TUBA3E: variants seen among roughly 807,000 people sequenced by gnomAD.
TUBA3E encodes tubulin alpha 3e.
In TUBA3E, 21 loss-of-function variants were observed where a neutral mutation model predicts 36.7. The observed-to-expected ratio is 0.57, with a 90% CI of 0.41 to 0.83. The LOEUF is 0.83. Among genes scored for constraint, TUBA3E ranks in the 40% least tolerant of loss-of-function variants. TUBA3E has a pLI of 0.00. For synonymous variants in TUBA3E, 177 were observed against 241.9 expected, an observed-to-expected ratio of 0.73 and a Z score of 2.49; for missense variants, 469 against 604.2, an observed-to-expected ratio of 0.78 and a Z score of 2.35.
In TUBA3E at chr2:130,194,145, G is replaced by T; in HGVS notation, c.697C>A (p.Gln233Lys). ...GAGGCCGTGATGGAGGACACGATCT[G>T]CCCAATCAGGCGATTGAGGTTGGTG... is the stretch of plus-strand genomic sequence containing the variant. ...TYTNLNRLIG[Q>K]IVSSITASLR... The change falls in exon 4 of 5, where the codon CAG (glutamine) becomes AAG (lysine). Residue 233 changes from glutamine (Q) to lysine (K), a missense_variant. Physicochemically the swap from Gln to Lys is moderately conservative, Grantham distance 53. This residue lies in a region of TUBA3E where 296 missense variants were observed against 346.9 expected (regional missense o/e 0.85). Transcript: ENST00000312988. The T allele has an allele frequency of 6.2e-7, 1 of 1,613,988 alleles. No individual in the cohort carries two copies.
At chr2:130,192,595 G>A (rs1281933901) in intron 4 of TUBA3E, among the ~76,000 whole-genome samples, 2 of 152,148 alleles carry the variant, frequency 1.3e-5, no homozygotes, top group East Asian at 3.8e-4. Context: ...GCAGATCATG[G>A]GTCAAGAGTC....
At chr2:130,193,277 C>T (rs1182264437) in intron 4 of TUBA3E, among the ~76,000 whole-genome samples, 1 of 151,708 alleles carries the variant, frequency 6.6e-6, no homozygotes, top group Non-Finnish European at 1.5e-5. Context: ...ATAAAGCTCA[C>T]CACAGATATA....
Position 130,194,202 on chromosome 2 carries a change from G to C in TUBA3E, c.640C>G (p.Arg214Gly). The change falls in exon 4 of 5, where the codon CGG becomes GGG. Residue 214 changes from arginine (R) to glycine (G), a missense_variant. Physicochemically the swap from Arg to Gly is moderately radical, Grantham distance 125. Around this residue, in one of 3 missense-constraint regions of TUBA3E, gnomAD observed 296 missense variants for 346.9 expected, o/e 0.85. Coordinates refer to ENST00000312988, the MANE Select transcript of TUBA3E (RefSeq NM_207312.3). ...VDNEAIYDICRRNLDIERPTY... is the reference protein window; with the variant it reads ...VDNEAIYDICGRNLDIERPTY... Reference sequence around the variant, plus strand: ...GGACGTTCAATGTCCAGGTTGCGCCGACATATGTCATAGATGGCTTCATTG... The same window carrying C: ...GGACGTTCAATGTCCAGGTTGCGCCCACATATGTCATAGATGGCTTCATTG... The C allele has an allele frequency of 6.2e-7, 1 of 1,613,076 alleles. No homozygotes were observed. Among genetic ancestry groups the C allele is most frequent in the Non-Finnish European group, 8.5e-7 (1 of 1,179,924 alleles).
At chr2:130,197,492 C>CAAAAAAAAA (rs1202771961) in intron 1 of TUBA3E, among the ~76,000 whole-genome samples, 1 of 44,388 alleles carries the variant, frequency 2.3e-5, no homozygotes, top group Non-Finnish European at 5.0e-5. Context: ...AGTGCTGTCT[C>CAAAAAAAAA]AAAAAAAAAA....
At chr2:130,192,800 A>G (rs991864554) in intron 4 of TUBA3E, among the ~76,000 whole-genome samples, 4 of 152,214 alleles carry the variant, frequency 2.6e-5, no homozygotes, top group African/African-American at 7.2e-5. Context: ...CTCGTTCTAT[A>G]AATGACAACA....
rs576611147 is a variant in TUBA3E at position 130,195,921 on chromosome 2, C to T, written c.226+228G>A. Reference sequence around the variant, plus strand: ...GGGAATCTCTTCACAGCCCATCTTACTGCTGGCAAAGCAGCTTTTCCCTGT... The same window carrying T: ...GGGAATCTCTTCACAGCCCATCTTATTGCTGGCAAAGCAGCTTTTCCCTGT... On this transcript the variant is annotated intron_variant, in intron 2 of 4. Coordinates refer to ENST00000312988, the MANE Select transcript of TUBA3E (RefSeq NM_207312.3). Among the ~76,000 whole-genome samples, 40 of 152,398 alleles carry T rather than the reference C, an allele frequency of 2.6e-4. 1 individual carries two copies. Among genetic ancestry groups the T allele is most frequent in the African/African-American group, 8.9e-4 (37 of 41,598 alleles).
In TUBA3E at chr2:130,196,368, C is replaced by T. The variant is rs200020431; in HGVS notation, c.7G>A (p.Glu3Lys). Reference protein sequence around the residue: MRECISIHVGQAG... With the variant: MRKCISIHVGQAG... ...TGCCCCACGTGGATAGAGATACACTCGCGCTGTGAACCGGAACATAAATGT... is the reference window on the plus strand; with the variant it reads ...TGCCCCACGTGGATAGAGATACACTTGCGCTGTGAACCGGAACATAAATGT... Residue 3 changes from glutamate (E) to lysine (K), a missense_variant, in exon 2 of 5, where the codon GAG (glutamate) becomes AAG (lysine). Transcript: ENST00000312988. The T allele has an allele frequency of 1.8e-4, 290 of 1,612,052 alleles. 1 individual carries two copies. In the South Asian group the frequency reaches 2.9e-3, roughly 16 times the overall value.
At chr2:130,198,253 C>G in intron 1 of TUBA3E, 105 bp downstream of exon 1, 2 of 1,254,746 alleles carry the variant, frequency 1.6e-6, no homozygotes, top group South Asian at 1.5e-5. Context: ...GCGTCCTTCT[C>G]TGGCCTCCTC....
intron 1 of TUBA3E, among the ~76,000 whole-genome samples, chr2:130,197,126 A>C (rs1235166895): frequency 6.6e-6 from 1 of 152,162 alleles, no homozygotes; most frequent in South Asian, 2.1e-4. Flanking sequence ...TACCCCTTGA[A>C]GCCTACGGGT....
At chr2:130,192,212 C>A in intron 4 of TUBA3E, 85 bp from the exon 5 acceptor site, 1 of 1,524,092 alleles carries the variant, frequency 6.6e-7, no homozygotes, top group South Asian at 1.3e-5. Context: ...CAGAAGACAC[C>A]CTGTAGGTGA....
At chr2:130,193,685 TGGAACA>T (rs1450012849) in intron 4 of TUBA3E, 95 bp downstream of exon 4, 2 of 1,438,570 alleles carry the variant, frequency 1.4e-6, no homozygotes, top group Non-Finnish European at 1.9e-6. Context: ...GCCTAGCCCA[TGGAACA>T]GGGATAGTCT....
intron 4 of TUBA3E, among the ~76,000 whole-genome samples, chr2:130,193,237 G>A (rs1457036046): frequency 6.6e-5 from 10 of 151,454 alleles, no homozygotes; most frequent in Admixed American, 4.6e-4. Flanking sequence ...GAGACAAAGC[G>A]AGACCCTGTC....
intron 4 of TUBA3E, among the ~76,000 whole-genome samples, chr2:130,192,771 T>G (rs1299479993): frequency 6.6e-6 from 1 of 152,164 alleles, no homozygotes. Context: ...CAGGGTCAAC[T>G]AGAGCAGGGA....
intron 1 of TUBA3E, among the ~76,000 whole-genome samples, chr2:130,197,387 T>C (rs150621506): frequency 3.2e-3 from 286 of 90,330 alleles, no homozygotes; most frequent in Admixed American, 4.7e-3. Flanking sequence ...CTCGGAAGGC[T>C]GAGGCGGGAG....
chr2:130,197,133 G>C (rs989292537), intron 1 of TUBA3E, among the ~76,000 whole-genome samples: 1 of 152,126 alleles, frequency 6.6e-6, no homozygotes, highest in Non-Finnish European at 1.5e-5. Context: ...TGAAGCCTAC[G>C]GGTGTAATGG....
chr2:130,197,119 C>A (rs1183335988), intron 1 of TUBA3E, among the ~76,000 whole-genome samples: 4 of 152,136 alleles, frequency 2.6e-5, no homozygotes, highest in Non-Finnish European at 5.9e-5. Flanking sequence ...CTCTCTCTAC[C>A]CCTTGAAGCC....
intron 2 of TUBA3E, 147 bp downstream of exon 2, chr2:130,196,002 C>A: frequency 7.2e-7 from 1 of 1,393,962 alleles, no homozygotes; most frequent in Non-Finnish European, 9.5e-7. Flanking sequence ...CATCACAAAC[C>A]TTTCAGTTTC....
At position 130,194,465 on chromosome 2, in the gene TUBA3E, G is replaced by A. The variant is rs13000721; in HGVS notation, c.377C>T (p.Ala126Val). The change falls in exon 4 of 5, where the codon GCG (alanine) becomes GTG (valine). Residue 126 changes from alanine to valine, a missense_variant and splice_region_variant. Ala to Val is a moderately conservative substitution (Grantham distance 64). Coordinates refer to ENST00000312988, the MANE Select transcript of TUBA3E (RefSeq NM_207312.3). Reference protein sequence around the residue: ...DLVLDRIRKLADLCTGLQGFL... With the variant: ...DLVLDRIRKLVDLCTGLQGFL... ...GCCCTGCAGTCCTGTGCACAGATCC[G>A]CCTGAGAGAAACCAGACAACGTGAG... 419,461 of 1,250,560 alleles carry A rather than the reference G, an allele frequency of 0.34. 95,375 individuals are homozygous for A. The highest frequency in any genetic ancestry group is 0.41 in the East Asian group (16,776 of 41,160). The allele number at this position is 1,250,560 out of a possible 1,614,324, so 77.5% of individuals were successfully genotyped here. A position where few individuals can be genotyped will look rare whatever the true frequency, so the allele number is the denominator to read the frequency against.
intron 4 of TUBA3E, among the ~76,000 whole-genome samples, chr2:130,193,213 C>CTACTA (rs1277846574): frequency 6.6e-6 from 1 of 151,734 alleles, no homozygotes; most frequent in Non-Finnish European, 1.5e-5. Context: ...CAGGATCACA[C>CTACTA]TACTACAGCC....
Sources: gnomAD v4.1 joint callset for allele counts (sites outside exome capture counted in the v4.1 genomes callset) on GRCh38, gnomAD v4.1.1 for gene constraint, gnomAD v4.1.1 regional missense constraint, MANE v1.5 for transcripts, NCBI Gene and HGNC (gene_info 2026-07-23, HGNC 2026-07-21) for gene names.